The following ADGRV1 variants were observed in gnomAD, a reference collection of about 807,000 sequenced individuals.
The protein encoded by ADGRV1 is adhesion G protein-coupled receptor V1.
ADGRV1 carries 359 observed loss-of-function variants against 596.2 expected under a neutral mutation model. That is an observed-to-expected ratio of 0.60 (90% CI 0.55 to 0.66). ADGRV1 has a LOEUF of 0.66. Ranked by LOEUF, ADGRV1 falls within the 30% of genes least tolerant of loss-of-function variation. ADGRV1 has a pLI of 0.00. For synonymous variants in ADGRV1, 2,681 were observed against 2,679.2 expected, an observed-to-expected ratio of 1.00 and a Z score of -0.02; for missense variants, 7,274 against 7,575.6, an observed-to-expected ratio of 0.96 and a Z score of 1.48.
chr5:90,937,488 A>T (rs752970820), intron 83 of ADGRV1, among the ~76,000 whole-genome samples: 2 of 131,552 alleles, frequency 1.5e-5, no homozygotes, highest in African/African-American at 5.8e-5. Flanking sequence ...GACGGAGTCT[A>T]GCTCTGTCGC....
intron 1 of ADGRV1, 40 bp from the exon 2 acceptor site, chr5:90,614,795 G>C (rs1468396512): frequency 7.5e-7 from 1 of 1,342,230 alleles, no homozygotes; most frequent in Non-Finnish European, 1.1e-6. Context: ...GAATAGATTA[G>C]ATATATTTTG....
At chr5:90,993,931 G>A (rs377236171) in intron 85 of ADGRV1, among the ~76,000 whole-genome samples, 1 of 146,120 alleles carries the variant, frequency 6.8e-6, no homozygotes, top group Non-Finnish European at 1.5e-5. Context: ...TTTTTTTTCT[G>A]TTCCTCAGAC....
intron 85 of ADGRV1, among the ~76,000 whole-genome samples, chr5:91,066,794 A>G (rs1165176470): frequency 6.6e-6 from 1 of 152,140 alleles, no homozygotes; most frequent in Non-Finnish European, 1.5e-5. Context: ...TTTGAAGGAG[A>G]TTGGGATGGA....
In ADGRV1 at chr5:90,635,243, A is replaced by C. The variant is rs747176117; in HGVS notation, c.1969A>C (p.Asn657His). ...IANGEIGFLS[N>H]LPIILHEPED... ...AAATGGAGAAATTGGCTTTCTCAGC[A>C]ATCTTCCAATTATTTTGCATGAACC... Residue 657 changes from asparagine to histidine, a missense_variant, in exon 10 of 90, where the codon AAT (asparagine) becomes CAT (histidine). Physicochemically the swap from Asn to His is moderately conservative, Grantham distance 68. Around this residue, in one of 5 missense-constraint regions of ADGRV1, gnomAD observed 1,715 missense variants for 1,708.8 expected, o/e 1.00. Coordinates refer to ENST00000405460, the MANE Select transcript of ADGRV1 (RefSeq NM_032119.4). The C allele has an allele frequency of 6.8e-6, 11 of 1,612,618 alleles. No homozygotes were observed. The East Asian group carries it at 2.5e-4, about 36-fold the overall frequency.
chr5:90,652,389 T>G lies in ADGRV1; in HGVS notation c.3460T>G (p.Trp1154Gly). The G allele has an allele frequency of 6.2e-7, 1 of 1,610,284 alleles. No individual in the cohort carries two copies. Among genetic ancestry groups the G allele is most frequent in the Non-Finnish European group, 8.5e-7 (1 of 1,178,512 alleles). ...ATACTTTGGTAGTGTTTCTGTATCT[T>G]GGCAGCTCTTTCAGAATGATTCTGC... ...RGYFGSVSVS[W>G]QLFQNDSALQ... is the part of the protein sequence containing the mutation. Residue 1154 changes from tryptophan to glycine, a missense_variant, in exon 19 of 90, where the codon TGG becomes GGG. Physicochemically the swap from Trp to Gly is radical, Grantham distance 184 (BLOSUM62 -2). Coordinates refer to ENST00000405460, the MANE Select transcript of ADGRV1 (RefSeq NM_032119.4).
At chr5:90,615,995 C>T (rs1037066592) in intron 2 of ADGRV1, among the ~76,000 whole-genome samples, 22 of 151,830 alleles carry the variant, frequency 1.4e-4, no homozygotes, top group African/African-American at 4.1e-4. Flanking sequence ...TTACCTATTT[C>T]GAATTGTTAA....
At position 90,734,775 on chromosome 5, in the gene ADGRV1, G is replaced by A. The variant is rs143960719; in HGVS notation, c.10549+5011G>A. ...TAATTTCACCATCTTGGCCAGGCTG[G>A]TCTCAAACTCCTGACCTCATGATCC... On this transcript the variant is annotated intron_variant, in intron 50 of 89. Transcript: ENST00000405460. Among the ~76,000 whole-genome samples the A allele has an allele frequency of 6.4e-3, 968 of 152,052 alleles. 11 individuals are homozygous for A. Among genetic ancestry groups the A allele is most frequent in the African/African-American group, 0.022 (926 of 41,466 alleles).
At chr5:90,591,542 G>C (rs936337030) in intron 1 of ADGRV1, among the ~76,000 whole-genome samples, 1 of 152,096 alleles carries the variant, frequency 6.6e-6, no homozygotes, top group African/African-American at 2.4e-5. Flanking sequence ...AAGCAAACCA[G>C]TATACATTAT....
chr5:90,661,025 G>T (rs1432558089), intron 21 of ADGRV1, among the ~76,000 whole-genome samples: 2 of 152,158 alleles, frequency 1.3e-5, no homozygotes, highest in Admixed American at 6.5e-5. Flanking sequence ...TCCTGGTGAG[G>T]CATGCCAAAT....
chr5:91,121,330 G>T (rs189928245), intron 87 of ADGRV1, among the ~76,000 whole-genome samples: 5 of 152,252 alleles, frequency 3.3e-5, no homozygotes, highest in Non-Finnish European at 4.4e-5. Context: ...TTTCTAACTT[G>T]TTCCATGAAT....
At chr5:90,826,643 G>A (rs1052408028) in intron 76 of ADGRV1, among the ~76,000 whole-genome samples, 3 of 151,762 alleles carry the variant, frequency 2.0e-5, no homozygotes, top group Non-Finnish European at 4.4e-5. Context: ...AATGGATGGA[G>A]ATGGAGCCCG....
intron 84 of ADGRV1, among the ~76,000 whole-genome samples, chr5:90,976,396 C>A (rs1376452230): frequency 1.4e-5 from 2 of 140,798 alleles, no homozygotes; most frequent in African/African-American, 2.6e-5. Context: ...CATGGGTATA[C>A]CTTTTTCCTA....
rs997613332 is a variant in ADGRV1 at position 90,684,036 on chromosome 5, G to A, written c.6115G>A (p.Asp2039Asn). ...PNLARATQGR[D>N]YIPASGFALF... ...TTTAGCGAGAGCAACTCAAGGAAGA[G>A]ACTATATACCAGCTTCTGGATTTGC... The change falls in exon 28 of 90, where the codon GAC becomes AAC. Residue 2039 changes from aspartate (D) to asparagine (N), a missense_variant. Asp to Asn is a conservative substitution (Grantham distance 23, BLOSUM62 1). Around this residue, in one of 5 missense-constraint regions of ADGRV1, gnomAD observed 3,643 missense variants for 3,809.2 expected, o/e 0.96. Coordinates refer to ENST00000405460, the MANE Select transcript of ADGRV1 (RefSeq NM_032119.4). 3 of 1,613,936 alleles carry A rather than the reference G, an allele frequency of 1.9e-6. No homozygotes were observed. The highest frequency in any genetic ancestry group is 2.5e-6 in the Non-Finnish European group (3 of 1,179,872).
chr5:91,006,527 G>A (rs148845784), intron 85 of ADGRV1, among the ~76,000 whole-genome samples: 231 of 152,006 alleles, frequency 1.5e-3, no homozygotes, highest in Non-Finnish European at 2.4e-3. Context: ...TCTCTGCATG[G>A]TATCAATTAG....
chr5:90,616,235 T>G (rs778753381), intron 2 of ADGRV1, among the ~76,000 whole-genome samples: 1 of 152,096 alleles, frequency 6.6e-6, no homozygotes, highest in Non-Finnish European at 1.5e-5. Flanking sequence ...AATCAAATAT[T>G]TTTTCTAGTA....
intron 87 of ADGRV1, among the ~76,000 whole-genome samples, chr5:91,102,693 G>A (rs959827311): frequency 5.3e-5 from 8 of 152,190 alleles, no homozygotes; most frequent in African/African-American, 1.7e-4. Flanking sequence ...TTGTGGCTGG[G>A]TCTAGAAATT....
chr5:90,965,274 C>T, intron 83 of ADGRV1, 141 bp from the exon 84 acceptor site: 1 of 612,690 alleles, frequency 1.6e-6, no homozygotes, highest in East Asian at 2.9e-5. Flanking sequence ...GACTCTTAGT[C>T]ATATCAGTTT....
At chr5:90,575,158 G>GT (rs1294231307) in intron 1 of ADGRV1, among the ~76,000 whole-genome samples, 2 of 149,880 alleles carry the variant, frequency 1.3e-5, no homozygotes, top group Non-Finnish European at 3.0e-5. Context: ...TTTTTTCCTA[G>GT]TTTTTTTTAG....
At chr5:90,984,165 A>T (rs1208969154) in intron 84 of ADGRV1, among the ~76,000 whole-genome samples, 2 of 152,174 alleles carry the variant, frequency 1.3e-5, no homozygotes, top group African/African-American at 4.8e-5. Context: ...GCCCAAGATT[A>T]TCCACTTAAA....
Sources: gnomAD v4.1 joint callset for allele counts (sites outside exome capture counted in the v4.1 genomes callset) on GRCh38, gnomAD v4.1.1 for gene constraint, gnomAD v4.1.1 regional missense constraint, MANE v1.5 for transcripts, NCBI Gene and HGNC (gene_info 2026-07-23, HGNC 2026-07-21) for gene names.